PARP14: variants seen among roughly 807,000 people sequenced by gnomAD.
The protein encoded by PARP14 is protein mono-ADP-ribosyltransferase PARP14.
In PARP14, 59 loss-of-function variants were observed where a neutral mutation model predicts 154.2. The ratio of observed to expected loss-of-function variants is 0.38; its 90% CI spans 0.31 to 0.48. The LOEUF is 0.48. Among genes scored for constraint, PARP14 ranks in the 20% least tolerant of loss-of-function variants. The probability of loss-of-function intolerance (pLI) is 0.98; values close to 1 mark genes in which losing one functional copy is unlikely to be tolerated. For missense variants in PARP14, 1,734 were observed against 2,131.6 expected, an observed-to-expected ratio of 0.81 and a Z score of 3.67; for synonymous variants, 720 against 780.5, an observed-to-expected ratio of 0.92 and a Z score of 1.29.
rs372502538 is a variant in PARP14, at chr3:122,718,690, G to T, written c.4539G>T (p.Ala1513=). The T allele has an allele frequency of 4.6e-5, 74 of 1,613,662 alleles. No homozygotes were observed. The South Asian group carries it at 6.7e-4, about 15-fold the overall frequency. Reference sequence around the variant, plus strand: ...TGCAGGCTAGAGATGAAATTGAGGCGATGATCAAGAGAGTTCGATTGGCCA... The same window carrying T: ...TGCAGGCTAGAGATGAAATTGAGGCTATGATCAAGAGAGTTCGATTGGCCA... ...DVMQARDEIE[A]MIKRVRLAKE... The change falls in exon 14 of 17, where the codon GCG becomes GCT. Residue 1513 remains alanine (A), a synonymous_variant. Coordinates refer to ENST00000474629, the MANE Select transcript of PARP14 (RefSeq NM_017554.3).
At chr3:122,690,893 A>T (rs1014737678) in intron 3 of PARP14, among the ~76,000 whole-genome samples, 1 of 152,184 alleles carries the variant, frequency 6.6e-6, no homozygotes, top group Non-Finnish European at 1.5e-5. Flanking sequence ...CAGTCACTTC[A>T]TGTGGTCATT....
Position 122,695,503 on chromosome 3 carries a change from G to A in PARP14, c.676G>A (p.Val226Met). Residue 226 changes from valine (V) to methionine (M), a missense_variant, in exon 5 of 17, where the codon GTG becomes ATG. Physicochemically the swap from Val to Met is conservative, Grantham distance 21 (BLOSUM62 1). Around this residue, in one of 2 missense-constraint regions of PARP14, gnomAD observed 1,646 missense variants for 1,976.0 expected, o/e 0.83. Coordinates refer to ENST00000474629, the MANE Select transcript of PARP14 (RefSeq NM_017554.3). ...QLQLSPRLLEVTNTIRVENLP... is the reference protein window; with the variant it reads ...QLQLSPRLLEMTNTIRVENLP... ...TCAGCTTTCTCCAAGACTTCTGGAA[G>A]TGACAAACACAATCAGGGTTGAAAA... 1.2e-6 allele frequency: 2 copies of A among 1,610,476 alleles called. No homozygotes were observed. Among genetic ancestry groups the A allele is most frequent in the Non-Finnish European group, 1.7e-6 (2 of 1,177,728 alleles).
Position 122,703,838 on chromosome 3 carries a change from G to A in PARP14, c.3178G>A (p.Glu1060Lys), listed in dbSNP as rs1191338312. 3.1e-6 allele frequency: 5 copies of A among 1,613,846 alleles called. No homozygotes were observed. In the Admixed American group the frequency reaches 6.7e-5, roughly 22 times the overall value. Residue 1060 changes from glutamate to lysine, a missense_variant, in exon 7 of 17, where the codon GAG (glutamate) becomes AAG (lysine). This residue lies in a region of PARP14 where 1,646 missense variants were observed against 1,976.0 expected (regional missense o/e 0.83). Coordinates refer to ENST00000474629, the MANE Select transcript of PARP14 (RefSeq NM_017554.3). ...LLEKAGPELQ[E>K]ELDTVGQGVA... ...GGAAAAAGCTGGACCAGAGCTCCAGGAGGAATTGGACACAGTTGGACAAGG... is the reference window on the plus strand; with the variant it reads ...GGAAAAAGCTGGACCAGAGCTCCAGAAGGAATTGGACACAGTTGGACAAGG...
chr3:122,724,706 G>A (rs1933246036), intron 15 of PARP14, among the ~76,000 whole-genome samples: 1 of 150,724 alleles, frequency 6.6e-6, no homozygotes, highest in African/African-American at 2.4e-5. Flanking sequence ...AGAGGGGGAT[G>A]TGGCAGGGTC....
Position 122,703,863 on chromosome 3 carries a change from G to A in PARP14, c.3203G>A (p.Gly1068Glu), listed in dbSNP as rs2107646039. 2.5e-6 allele frequency: 4 copies of A among 1,614,022 alleles called. No homozygotes were observed. In the East Asian group the frequency reaches 8.9e-5, roughly 36 times the overall value. ...LQEELDTVGQ[G>E]VAVSMGTVLK... is the part of the protein sequence containing the mutation. ...GAGGAATTGGACACAGTTGGACAAG[G>A]GGTGGCTGTCAGCATGGGCACAGTG... Residue 1068 changes from glycine (G) to glutamate (E), a missense_variant, in exon 7 of 17, where the codon GGG (glycine) becomes GAG (glutamate). By Grantham distance (98) the Gly-to-Glu change is moderately conservative. Around this residue, in one of 2 missense-constraint regions of PARP14, gnomAD observed 1,646 missense variants for 1,976.0 expected, o/e 0.83. Transcript: ENST00000474629.
Position 122,699,823 on chromosome 3 carries a change from G to A in PARP14, c.1269G>A (p.Leu423=), listed in dbSNP as rs1276624729. 1 of 1,613,942 alleles carries A rather than the reference G, an allele frequency of 6.2e-7. No individual in the cohort carries two copies. Among genetic ancestry groups the A allele is most frequent in the South Asian group, 1.1e-5 (1 of 91,060 alleles). ...IKNDVKDDRI[L]IEFDTLKEMV... ...ATGATGTGAAAGATGACAGGATTTT[G>A]ATTGAGTTTGATACACTTAAGGAGA... is the stretch of plus-strand genomic sequence containing the variant. Residue 423 remains leucine, a synonymous_variant, in exon 6 of 17, where the codon TTG becomes TTA. Transcript: ENST00000474629.
rs1304280434 is a variant in PARP14 at position 122,729,813 on chromosome 3, CCT to C, written c.*1217_*1218del. The C allele has an allele frequency of 1.3e-5, 2 of 152,100 alleles. No individual in the cohort carries two copies. Among genetic ancestry groups the C allele is most frequent in the Non-Finnish European group, 2.9e-5 (2 of 68,008 alleles). 9.4% of individuals were successfully genotyped at this position (152,100 alleles called of 1,614,324 possible). On this transcript the variant is annotated 3_prime_UTR_variant, in exon 17 of 17. Coordinates refer to ENST00000474629, the MANE Select transcript of PARP14 (RefSeq NM_017554.3). Reference sequence around the variant, plus strand: ...CACATCTTCATTGTGAAACCCTTCCCCTGTGCTGAGATTAAATGAACTCTAAG... The same window carrying C: ...CACATCTTCATTGTGAAACCCTTCCCGTGCTGAGATTAAATGAACTCTAAG...
chr3:122,721,575 A>C (rs923003137), intron 15 of PARP14: 1 of 150,628 alleles, frequency 6.6e-6, no homozygotes, highest in Admixed American at 6.7e-5. Flanking sequence ...CGACAGAGTG[A>C]GACTCCGTCT....
chr3:122,701,517 C>A lies in PARP14; in HGVS notation c.2963C>A (p.Pro988Gln), dbSNP rs771490414. ...FKATLPDTAA[P>Q]PGLPPAAAGP... ...GCCACCCTGCCAGATACAGCTGCCC[C>A]GCCAGGTTTACCACCAGCAGCAGCG... The change falls in exon 6 of 17, where the codon CCG (proline) becomes CAG (glutamine). Residue 988 changes from proline (P) to glutamine (Q), a missense_variant. Around this residue, in one of 2 missense-constraint regions of PARP14, gnomAD observed 1,646 missense variants for 1,976.0 expected, o/e 0.83. Transcript: ENST00000474629. This position sits in a 1 kb window ranked among gnomAD's most constrained non-coding sequence, Gnocchi z 4.0. 3.1e-6 allele frequency: 5 copies of A among 1,613,184 alleles called. No homozygotes were observed. The highest frequency in any genetic ancestry group is 4.2e-6 in the Non-Finnish European group (5 of 1,179,452).
intron 11 of PARP14, 95 bp downstream of exon 11, chr3:122,714,029 T>C: frequency 1.1e-6 from 1 of 928,384 alleles, no homozygotes; most frequent in Non-Finnish European, 1.7e-6. Context: ...GACAACACTC[T>C]AATTTTAAAA....
intron 6 of PARP14, among the ~76,000 whole-genome samples, chr3:122,703,008 AAACAAAAAAAAAAAACAAAAAAC>A (rs1428681098): frequency 0.099 from 11,917 of 119,952 alleles, 596 homozygotes; most frequent in Admixed American, 0.13. Flanking sequence ...AAAAAAAAAA[AAACAAAAAAAAAAAACAAAAAAC>A]AAAAAACAGT....
intron 9 of PARP14, among the ~76,000 whole-genome samples, chr3:122,712,240 C>CTTTTTTTTTTT (rs55876947): frequency 2.2e-5 from 3 of 138,358 alleles, no homozygotes; most frequent in Non-Finnish European, 1.6e-5. Flanking sequence ...GGATTCACAT[C>CTTTTTTTTTTT]TTTTTTTTTT....
intron 4 of PARP14, among the ~76,000 whole-genome samples, chr3:122,694,601 G>A (rs949909050): frequency 2.6e-5 from 4 of 152,104 alleles, no homozygotes; most frequent in African/African-American, 4.8e-5. Flanking sequence ...ATGCAGTGGC[G>A]TGATCTCAGC....
At chr3:122,685,341 T>A (rs1343279873) in intron 2 of PARP14, 23 bp downstream of exon 2, 1 of 1,609,900 alleles carries the variant, frequency 6.2e-7, no homozygotes, top group South Asian at 1.1e-5. Flanking sequence ...TAGGCATGAA[T>A]AAAAGGGATT....
chr3:122,715,650 CT>C (rs1331430760), intron 12 of PARP14, among the ~76,000 whole-genome samples: 3 of 143,668 alleles, frequency 2.1e-5, no homozygotes, highest in Admixed American at 6.9e-5. Flanking sequence ...ATCTATCTAT[CT>C]ATCGATCTGT....
chr3:122,721,166 C>T, intron 15 of PARP14: 1 of 304,794 alleles, frequency 3.3e-6, no homozygotes, highest in Non-Finnish European at 6.4e-6. Context: ...TGTCTCTGTA[C>T]CTCACCAGGG....
chr3:122,698,021 G>A (rs1422540642), intron 5 of PARP14, among the ~76,000 whole-genome samples: 3 of 152,190 alleles, frequency 2.0e-5, no homozygotes, highest in African/African-American at 7.2e-5. Context: ...TTACTTAGAG[G>A]AATGCTGTGA....
intron 15 of PARP14, among the ~76,000 whole-genome samples, chr3:122,725,530 A>T (rs1933267355): frequency 6.6e-6 from 1 of 152,220 alleles, no homozygotes; most frequent in Non-Finnish European, 1.5e-5. Flanking sequence ...CATCCTATAG[A>T]ATACATACAA....
rs1435763229 is a variant in PARP14, at chr3:122,718,555, T to A, written c.4404T>A (p.Asp1468Glu). 6.2e-7 allele frequency: 1 copy of A among 1,613,892 alleles called. No homozygotes were observed. The highest frequency in any genetic ancestry group is 2.2e-5 in the East Asian group (1 of 44,886). ...TSEDECIKDF[D>E]EKEYQELNEL... The stretch of plus-strand genomic sequence containing the variant: ...AAGATGAGTGCATCAAAGACTTTGA[T>A]GAAAAGGAGTATCAGGAGTTGAATG... The change falls in exon 14 of 17, where the codon GAT becomes GAA. Residue 1468 changes from aspartate to glutamate, a missense_variant. Transcript: ENST00000474629.
Sources: allele counts gnomAD v4.1 joint callset (sites outside exome capture counted in the v4.1 genomes callset), GRCh38; gene constraint gnomAD v4.1.1; regional missense constraint gnomAD v4.1.1; non-coding constraint Gnocchi (gnomAD v3.1); transcripts MANE v1.5; gene names NCBI Gene and HGNC (gene_info 2026-07-23, HGNC 2026-07-21).